Variants in TRAF1 observed in about 807,000 individuals in gnomAD.
TRAF1 encodes the protein TNF receptor associated factor 1.
Under a neutral mutation model 40.9 loss-of-function variants are expected in TRAF1, and 23 were observed. The observed-to-expected ratio is 0.56, with a 90% CI of 0.40 to 0.80. The LOEUF (loss-of-function observed/expected upper bound fraction) is 0.80. Among genes scored for constraint, TRAF1 ranks in the 30% least tolerant of loss-of-function variants. TRAF1 has a pLI of 0.00. For missense variants in TRAF1, 477 were observed against 528.7 expected (o/e 0.90, Z 0.96); for synonymous variants, 206 against 218.8 (o/e 0.94, Z 0.52).
At chr9:120,916,938 C>T (rs1174123958) in intron 3 of TRAF1, among the ~76,000 whole-genome samples, 1 of 152,136 alleles carries the variant, frequency 6.6e-6, no homozygotes, top group African/African-American at 2.4e-5. Context: ...GGTCCCACCC[C>T]TCCCCACAGG....
chr9:120,913,325 C>A lies in TRAF1; in HGVS notation c.705+3G>T, dbSNP rs1367117513. On this transcript the variant is annotated splice_donor_region_variant and intron_variant, in intron 5 of 7. Transcript: ENST00000373887. The stretch of plus-strand genomic sequence containing the variant: ...TGAAGGCAAACCTGCCTCCCACACT[C>A]ACCCTCTGCTCCAAGCTCAGGATGC... The A allele has an allele frequency of 6.3e-7, 1 of 1,597,044 alleles. No homozygotes were observed. Among genetic ancestry groups the A allele is most frequent in the Admixed American group, 1.7e-5 (1 of 59,194 alleles).
chr9:120,919,243 A>G (rs2046588825), intron 3 of TRAF1, among the ~76,000 whole-genome samples: 1 of 152,146 alleles, frequency 6.6e-6, no homozygotes, highest in African/African-American at 2.4e-5. Flanking sequence ...TGTGCAGTGG[A>G]ATTTCCTCCG....
chr9:120,911,770 C>T (rs1382802196), intron 5 of TRAF1, among the ~76,000 whole-genome samples: 3 of 152,148 alleles, frequency 2.0e-5, no homozygotes, highest in African/African-American at 7.2e-5. Context: ...TCAATATGTT[C>T]TTACAGAGCC....
In TRAF1 at chr9:120,909,316, T is replaced by A. The variant is rs938769594; in HGVS notation, c.946A>T (p.Thr316Ser). Residue 316 changes from threonine (T) to serine (S), a missense_variant, in exon 7 of 8, where the codon ACT becomes TCT. Transcript: ENST00000373887. ...AGCGACAGATGGGTTCTCTTTCCAG[T>A]GCCATCTCCATTCAGGTACAGCCGC... ...CLRLYLNGDG[T>S]GKRTHLSLFI... is the part of the protein sequence containing the mutation. 5 of 1,614,220 alleles carry A rather than the reference T, an allele frequency of 3.1e-6. No individual in the cohort carries two copies. Among genetic ancestry groups the A allele is most frequent in the Non-Finnish European group, 4.2e-6 (5 of 1,180,036 alleles).
intron 2 of TRAF1, among the ~76,000 whole-genome samples, chr9:120,924,419 GT>G (rs781767140): frequency 7.3e-5 from 11 of 151,468 alleles, no homozygotes; most frequent in African/African-American, 1.2e-4. Context: ...TTTTTTGGGG[GT>G]TTTTCTTTTT....
intron 3 of TRAF1, among the ~76,000 whole-genome samples, chr9:120,916,441 A>C (rs2046569992): frequency 6.6e-6 from 1 of 152,218 alleles, no homozygotes; most frequent in South Asian, 2.1e-4. Context: ...GCATATAAAT[A>C]AAATCTTGAT....
upstream of TRAF1, chr9:120,927,634 C>T (rs747663524): frequency 6.6e-6 from 1 of 152,022 alleles, no homozygotes; most frequent in East Asian, 1.9e-4. Context: ...TCTACTGGAG[C>T]CTCAACAGGT....
chr9:120,912,668 A>AATAG (rs2046536890), intron 5 of TRAF1, among the ~76,000 whole-genome samples: 1 of 104,884 alleles, frequency 9.5e-6, no homozygotes, highest in Non-Finnish European at 2.3e-5. Context: ...AGGAAAAAAA[A>AATAG]AAAGAAAGAA....
chr9:120,904,776 T>C lies in TRAF1; in HGVS notation c.*244A>G. 1 of 538,260 alleles carries C rather than the reference T, an allele frequency of 1.9e-6. No individual in the cohort carries two copies. Among genetic ancestry groups the C allele is most frequent in the African/African-American group, 1.9e-5 (1 of 52,866 alleles). 33.3% of individuals were successfully genotyped at this position (538,260 alleles called of 1,614,324 possible). On this transcript the variant is annotated 3_prime_UTR_variant, in exon 8 of 8. Transcript: ENST00000373887. Reference sequence around the variant, plus strand: ...GGCTCACTGGCCTCCCAGTGTCGCATGGTCCGTGCAGAGGGGAGCAGCTCT... The same window carrying C: ...GGCTCACTGGCCTCCCAGTGTCGCACGGTCCGTGCAGAGGGGAGCAGCTCT...
rs576606864 is a variant in TRAF1 at position 120,909,453 on chromosome 9, C to A, written c.884-75G>T. 40 of 1,561,430 alleles carry A rather than the reference C, an allele frequency of 2.6e-5. 1 individual carries two copies. In the South Asian group the frequency reaches 4.5e-4, roughly 18 times the overall value. The stretch of plus-strand genomic sequence containing the variant: ...GTGGGACTGGGATCCAGTGGTCAGG[C>A]ATGCCCAAGGTCAGCGGCTCAAAAC... On this transcript the variant is annotated intron_variant, in intron 6 of 7. Coordinates refer to ENST00000373887, the MANE Select transcript of TRAF1 (RefSeq NM_005658.5).
intron 3 of TRAF1, among the ~76,000 whole-genome samples, chr9:120,916,647 G>C (rs1333658675): frequency 6.6e-6 from 1 of 152,122 alleles, no homozygotes; most frequent in Non-Finnish European, 1.5e-5. Flanking sequence ...CAGTTGGGTT[G>C]AGACACAGAA....
intron 3 of TRAF1, 173 bp from the exon 4 acceptor site, chr9:120,914,473 A>C (rs962900389): frequency 8.2e-7 from 1 of 1,221,988 alleles, no homozygotes; most frequent in Non-Finnish European, 1.0e-6. Flanking sequence ...CCACCCTTCC[A>C]TGACCTTCCT....
chr9:120,918,371 T>C (rs1364806172), intron 3 of TRAF1, among the ~76,000 whole-genome samples: 1 of 152,020 alleles, frequency 6.6e-6, no homozygotes, highest in Non-Finnish European at 1.5e-5. Flanking sequence ...ATTGAAATTA[T>C]TCCATACTAC....
chr9:120,928,086 T>C (rs1293644402), upstream of TRAF1: 1 of 152,212 alleles, frequency 6.6e-6, no homozygotes, highest in Non-Finnish European at 1.5e-5. Flanking sequence ...TTTACAGACA[T>C]CATCTCATCT....
At chr9:120,918,171 C>T (rs10985091) in intron 3 of TRAF1, among the ~76,000 whole-genome samples, 7,756 of 152,200 alleles carry the variant, frequency 0.051, 266 homozygotes, top group Middle Eastern at 0.12. Context: ...GTTGTTTACA[C>T]CACCCAGTCT....
chr9:120,906,932 G>A (rs549524808), intron 7 of TRAF1, among the ~76,000 whole-genome samples: 2 of 152,142 alleles, frequency 1.3e-5, no homozygotes, highest in South Asian at 2.1e-4. Context: ...ACAGTGGCGC[G>A]ATCTCAGCTC....
At position 120,904,994 on chromosome 9, in the gene TRAF1, G is replaced by C; in HGVS notation, c.*26C>G. 6.2e-7 allele frequency: 1 copy of C among 1,603,040 alleles called. No individual in the cohort carries two copies. The highest frequency in any genetic ancestry group is 8.5e-7 in the Non-Finnish European group (1 of 1,174,800). On this transcript the variant is annotated 3_prime_UTR_variant, in exon 8 of 8. Transcript: ENST00000373887. Reference sequence around the variant, plus strand: ...CTCTGGCTAGCTCCCTTCTGAGTTGGAGCTCCCTCAGGAGCCCCGCCCACC... The same window carrying C: ...CTCTGGCTAGCTCCCTTCTGAGTTGCAGCTCCCTCAGGAGCCCCGCCCACC...
rs908196638 is a variant in TRAF1 at position 120,906,225 on chromosome 9, G to A, written c.1033-987C>T. Among the ~76,000 whole-genome samples, 4 of 146,318 alleles carry A rather than the reference G, an allele frequency of 2.7e-5. No individual in the cohort carries two copies. In the Admixed American group the frequency reaches 2.8e-4, roughly 10 times the overall value. On this transcript the variant is annotated intron_variant, in intron 7 of 7. Transcript: ENST00000373887. ...ACAGAGTTTCGCTCTTGTTGTCCAG[G>A]CTGGAGTGCAATGGCACAATCTTGG... is the stretch of plus-strand genomic sequence containing the variant.
Position 120,904,781 on chromosome 9 carries a change from C to A in TRAF1, c.*239G>T. 1.8e-6 allele frequency: 1 copy of A among 552,296 alleles called. No individual in the cohort carries two copies. The highest frequency in any genetic ancestry group is 2.2e-5 in the South Asian group (1 of 45,686). The allele number at this position is 552,296 out of a possible 1,614,324, so 34.2% of individuals were successfully genotyped here. On this transcript the variant is annotated 3_prime_UTR_variant, in exon 8 of 8. Transcript: ENST00000373887. ...ACTGGCCTCCCAGTGTCGCATGGTC[C>A]GTGCAGAGGGGAGCAGCTCTGCCTG...
Sources: gnomAD v4.1 joint callset for allele counts (sites outside exome capture counted in the v4.1 genomes callset) on GRCh38, gnomAD v4.1.1 for gene constraint, MANE v1.5 for transcripts, NCBI Gene and HGNC (gene_info 2026-07-23, HGNC 2026-07-21) for gene names.